XRCC4: variants seen among roughly 807,000 people sequenced by gnomAD.
XRCC4 encodes DNA repair protein XRCC4.
XRCC4 carries 28 observed loss-of-function variants against 39.1 expected under a neutral mutation model. That is an observed-to-expected ratio of 0.72 (90% CI 0.53 to 0.98). The LOEUF (loss-of-function observed/expected upper bound fraction) is 0.98, where lower values mean the gene tolerates loss of function less well. XRCC4 is among the 50% of genes least tolerant of loss of function. XRCC4 has a pLI of 0.00. For missense variants in XRCC4, 350 were observed against 376.4 expected (o/e 0.93, Z 0.58); for synonymous variants, 123 against 126.4 (o/e 0.97, Z 0.18).
intron 2 of XRCC4, among the ~76,000 whole-genome samples, chr5:83,109,950 G>A (rs1437992356): frequency 1.3e-5 from 2 of 151,994 alleles, no homozygotes; most frequent in Admixed American, 6.6e-5. Context: ...AGGACTATGA[G>A]TGAATAAAAG....
intron 7 of XRCC4, among the ~76,000 whole-genome samples, chr5:83,344,496 C>G (rs150370588): frequency 1.5e-4 from 22 of 143,768 alleles, no homozygotes; most frequent in African/African-American, 5.0e-4. Flanking sequence ...TCTCATACTA[C>G]TAGGCTCAAA....
chr5:83,164,591 A>C (rs1362173264), intron 3 of XRCC4, among the ~76,000 whole-genome samples: 1 of 152,160 alleles, frequency 6.6e-6, no homozygotes, highest in Non-Finnish European at 1.5e-5. Flanking sequence ...CTCACTACAC[A>C]CAAATGAGAA....
chr5:83,222,832 C>T (rs892149131), intron 6 of XRCC4, among the ~76,000 whole-genome samples: 7 of 152,236 alleles, frequency 4.6e-5, no homozygotes, highest in African/African-American at 1.7e-4. Flanking sequence ...ACCACAGCCT[C>T]GACTTCCCTG....
At chr5:83,365,243 C>T in the XRCC4 span, among the ~76,000 whole-genome samples, 2 of 152,138 alleles carry the variant, frequency 1.3e-5, no homozygotes, top group Non-Finnish European at 2.9e-5. Flanking sequence ...AACTGATGGA[C>T]ATCCATCTTC....
intron 7 of XRCC4, among the ~76,000 whole-genome samples, chr5:83,311,231 A>C (rs1470374925): frequency 6.6e-6 from 1 of 152,206 alleles, no homozygotes; most frequent in East Asian, 1.9e-4. Context: ...GAGGATGAAG[A>C]GAGGTTGATT....
downstream of XRCC4, among the ~76,000 whole-genome samples, chr5:83,355,137 G>T (rs1173631696): frequency 6.6e-6 from 1 of 151,758 alleles, no homozygotes; most frequent in East Asian, 1.9e-4. Context: ...CCATTGTATT[G>T]CTAATCTCTC....
At position 83,195,850 on chromosome 5, in the gene XRCC4, C is replaced by T. The variant is rs1421490934; in HGVS notation, c.396C>T (p.Asp132=). 1 of 1,612,198 alleles carries T rather than the reference C, an allele frequency of 6.2e-7. No homozygotes were observed. Among genetic ancestry groups the T allele is most frequent in the Non-Finnish European group, 8.5e-7 (1 of 1,178,860 alleles). The change falls in exon 4 of 8, where the codon GAC becomes GAT. Residue 132 remains aspartate, a synonymous_variant. Coordinates refer to ENST00000396027, the MANE Select transcript of XRCC4 (RefSeq NM_003401.5). ...VIRELICYCL[D]TIAENQAKNE... The stretch of plus-strand genomic sequence containing the variant: ...GAGAACTTATTTGTTATTGCTTGGA[C>T]ACCATTGCAGAAAATCAAGCCAAAA...
Position 83,110,588 on chromosome 5 carries a change from CT to C in XRCC4, c.140-436del, listed in dbSNP as rs561307086. Reference sequence around the variant, plus strand: ...CATGATATGAGAATAGTGAGCTCCACTTTTGCTTTTGTTTTACTCTGCCCAT... The same window carrying C: ...CATGATATGAGAATAGTGAGCTCCACTTTGCTTTTGTTTTACTCTGCCCAT... On this transcript the variant is annotated intron_variant, in intron 2 of 7. Coordinates refer to ENST00000396027, the MANE Select transcript of XRCC4 (RefSeq NM_003401.5). Among the ~76,000 whole-genome samples, 176 of 152,144 alleles carry C rather than the reference CT, an allele frequency of 1.2e-3. 1 individual carries two copies. The highest frequency in any genetic ancestry group is 3.8e-3 in the African/African-American group (158 of 41,546).
intron 7 of XRCC4, among the ~76,000 whole-genome samples, chr5:83,285,529 G>A (rs923801913): frequency 6.6e-6 from 1 of 152,094 alleles, no homozygotes; most frequent in Non-Finnish European, 1.5e-5. Context: ...ACTGTCTTTG[G>A]AATCCCTATG....
chr5:83,323,194 G>T (rs1756134903), intron 7 of XRCC4, among the ~76,000 whole-genome samples: 1 of 151,934 alleles, frequency 6.6e-6, no homozygotes, highest in Non-Finnish European at 1.5e-5. Flanking sequence ...AATATGGTGA[G>T]TTTTATAATG....
At chr5:83,252,012 T>C (rs979862307) in intron 6 of XRCC4, among the ~76,000 whole-genome samples, 17 of 152,226 alleles carry the variant, frequency 1.1e-4, no homozygotes, top group African/African-American at 3.9e-4. Context: ...TGTTTGCTTG[T>C]TTGGTCAGAT....
At chr5:83,280,372 G>T in intron 7 of XRCC4, 1 of 519,138 alleles carries the variant, frequency 1.9e-6, no homozygotes, top group Non-Finnish European at 3.6e-6. Flanking sequence ...CATGTTTCTT[G>T]AATGTCTTAA....
chr5:83,254,734 G>A (rs966160461), intron 6 of XRCC4, among the ~76,000 whole-genome samples: 1 of 152,112 alleles, frequency 6.6e-6, no homozygotes, highest in Non-Finnish European at 1.5e-5. Flanking sequence ...CAAGACCAAA[G>A]ACAATGAAAA....
At chr5:83,361,460 G>A in the XRCC4 span, among the ~76,000 whole-genome samples, 4 of 152,018 alleles carry the variant, frequency 2.6e-5, no homozygotes, top group African/African-American at 7.2e-5. Flanking sequence ...TCAGCTCTGT[G>A]CTGAGCCATC....
chr5:83,203,755 G>A, intron 5 of XRCC4, 48 bp downstream of exon 5: 1 of 1,591,606 alleles, frequency 6.3e-7, no homozygotes, highest in Non-Finnish European at 8.5e-7. Flanking sequence ...ACATTTAAGT[G>A]GAATTTCTTC....
At chr5:83,198,986 G>A (rs944374878) in intron 4 of XRCC4, among the ~76,000 whole-genome samples, 13 of 151,992 alleles carry the variant, frequency 8.6e-5, no homozygotes, top group African/African-American at 3.1e-4. Context: ...TAGGTGTTTT[G>A]TTTGCACTCA....
intron 6 of XRCC4, among the ~76,000 whole-genome samples, chr5:83,242,358 A>T (rs1752946648): frequency 6.6e-6 from 1 of 152,182 alleles, no homozygotes; most frequent in African/African-American, 2.4e-5. Flanking sequence ...AAGTTCTGAG[A>T]TTATAAGCAT....
chr5:83,341,371 T>C (rs1756754216), intron 7 of XRCC4, among the ~76,000 whole-genome samples: 1 of 152,132 alleles, frequency 6.6e-6, no homozygotes, highest in South Asian at 2.1e-4. Context: ...ATAATGTATA[T>C]ACACACATAT....
chr5:83,187,279 T>G (rs1180516764), intron 3 of XRCC4, among the ~76,000 whole-genome samples: 1 of 152,194 alleles, frequency 6.6e-6, no homozygotes, highest in Non-Finnish European at 1.5e-5. Flanking sequence ...TATCTCTCTG[T>G]GTGTATCTTC....
Sources: allele counts gnomAD v4.1 joint callset (sites outside exome capture counted in the v4.1 genomes callset), GRCh38; gene constraint gnomAD v4.1.1; transcripts MANE v1.5; gene names NCBI Gene and HGNC (gene_info 2026-07-23, HGNC 2026-07-21).